The following NEURL1 variants were observed in gnomAD, a reference collection of about 807,000 sequenced individuals.
NEURL1 encodes the protein E3 ubiquitin-protein ligase NEURL1.
Under a neutral mutation model 41.2 loss-of-function variants are expected in NEURL1, and 26 were observed. The ratio of observed to expected loss-of-function variants is 0.63; its 90% CI spans 0.46 to 0.87. The LOEUF is 0.87. NEURL1 is among the 40% of genes least tolerant of loss of function. NEURL1 has a pLI of 0.00. For synonymous variants in NEURL1, 400 were observed against 402.3 expected, an observed-to-expected ratio of 0.99 and a Z score of 0.07; for missense variants, 761 against 871.1, an observed-to-expected ratio of 0.87 and a Z score of 1.59.
intron 1 of NEURL1, among the ~76,000 whole-genome samples, chr10:103,523,976 C>T (rs1053028453): frequency 6.6e-6 from 1 of 152,154 alleles, no homozygotes; most frequent in African/African-American, 2.4e-5. Context: ...ATTGCTGGGT[C>T]ATATGGCAGT....
In NEURL1 at chr10:103,501,618, T is replaced by TTTTTTATTATTATTATTA. The variant is rs372200333; in HGVS notation, c.85+7148_85+7149insTTTATTATTATTATTATT. On this transcript the variant is annotated intron_variant, in intron 1 of 5. Transcript: ENST00000369780. ...AGAGGTAGGTATTATTCCCACTTTATTTATTATTATTATTATTATTATTAT... is the reference window on the plus strand; with the variant it reads ...AGAGGTAGGTATTATTCCCACTTTATTTTTTATTATTATTATTATTATTATTATTATTATTATTATTAT... Among the ~76,000 whole-genome samples the TTTTTTATTATTATTATTA allele has an allele frequency of 1.0e-3, 144 of 142,592 alleles. 2 individuals carry two copies. The highest frequency in any genetic ancestry group is 3.6e-3 in the African/African-American group (137 of 38,566). 93.5% of individuals were successfully genotyped at this position (142,592 alleles called of 152,430 possible).
chr10:103,524,031 A>G (rs1176777807), intron 1 of NEURL1, among the ~76,000 whole-genome samples: 1 of 152,106 alleles, frequency 6.6e-6, no homozygotes, highest in African/African-American at 2.4e-5. Flanking sequence ...GTTTTCCATA[A>G]TGGCTGTACT....
chr10:103,498,739 TTGTC>T (rs1311288644), intron 1 of NEURL1, among the ~76,000 whole-genome samples: 1 of 152,242 alleles, frequency 6.6e-6, no homozygotes, highest in East Asian at 1.9e-4. Flanking sequence ...AATCTACTCT[TTGTC>T]TGTATGGACT....
chr10:103,494,119 C>T lies in NEURL1; in HGVS notation c.-269C>T, dbSNP rs1336060180. ...GGGCGTCCCCGGCCCCGGCCCAGGG[C>T]CCTGCTTGTGGCCCCCGCTCCCGCC... On this transcript the variant is annotated 5_prime_UTR_variant, in exon 1 of 6. Transcript: ENST00000369780. 9 of 382,998 alleles carry T rather than the reference C, an allele frequency of 2.3e-5. No individual in the cohort carries two copies. In the Admixed American group the frequency reaches 4.0e-4, roughly 17 times the overall value. 23.7% of individuals were successfully genotyped at this position (382,998 alleles called of 1,614,324 possible). A position where few individuals can be genotyped will look rare whatever the true frequency, so the allele number is the denominator to read the frequency against.
intron 4 of NEURL1, chr10:103,589,085 C>T (rs1461078858): frequency 2.6e-6 from 1 of 380,530 alleles, no homozygotes; most frequent in African/African-American, 2.1e-5. Context: ...TATCTGGGGA[C>T]AGTGGTGAAG....
intron 2 of NEURL1, 134 bp from the exon 3 acceptor site, chr10:103,571,367 C>A (rs2035540518): frequency 1.0e-5 from 11 of 1,056,592 alleles, no homozygotes; most frequent in Non-Finnish European, 1.5e-5. Context: ...AGGGAGGGCT[C>A]CTGGGAGGGA....
chr10:103,558,291 G>A lies in NEURL1; in HGVS notation c.86-12581G>A, dbSNP rs2035202767. 1.0e-6 allele frequency: 1 copy of A among 970,956 alleles called. No individual in the cohort carries two copies. Among genetic ancestry groups the A allele is most frequent in the Admixed American group, 6.2e-5 (1 of 16,254 alleles). 60.1% of individuals were successfully genotyped at this position (970,956 alleles called of 1,614,324 possible). A position where few individuals can be genotyped will look rare whatever the true frequency, so the allele number is the denominator to read the frequency against. The stretch of plus-strand genomic sequence containing the variant: ...GACAGGAGGACCCAGGACTCTGTAT[G>A]TGTGTCGGGGGTCATCTAATTGTGT... On this transcript the variant is annotated intron_variant, in intron 1 of 5. Coordinates refer to ENST00000369780, the MANE Select transcript of NEURL1 (RefSeq NM_004210.5). This position sits in a 1 kb window ranked among gnomAD's most constrained non-coding sequence, Gnocchi z 4.2.
chr10:103,524,324 C>T (rs1410880041), intron 1 of NEURL1, among the ~76,000 whole-genome samples: 1 of 151,822 alleles, frequency 6.6e-6, no homozygotes, highest in Non-Finnish European at 1.5e-5. Context: ...TGTTTGAGTC[C>T]CTTGTATATT....
In NEURL1 at chr10:103,584,908, A is replaced by G. The variant is rs2035879244; in HGVS notation, c.1022A>G (p.Lys341Arg). 6.8e-7 allele frequency: 1 copy of G among 1,469,952 alleles called. No individual in the cohort carries two copies. The highest frequency in any genetic ancestry group is 8.9e-7 in the Non-Finnish European group (1 of 1,118,962). 91.1% of individuals were successfully genotyped at this position (1,469,952 alleles called of 1,614,324 possible). A position where few individuals can be genotyped will look rare whatever the true frequency, so the allele number is the denominator to read the frequency against. ...PVRVAETIFV[K>R]VTRSGGARPG... ...CGCGTGGCCGAGACCATCTTCGTCA[A>G]GGTCACGCGCTCGGGTGGCGCGCGG... The change falls in exon 4 of 6, where the codon AAG (lysine) becomes AGG (arginine). Residue 341 changes from lysine to arginine, a missense_variant. Physicochemically the swap from Lys to Arg is conservative, Grantham distance 26. Coordinates refer to ENST00000369780, the MANE Select transcript of NEURL1 (RefSeq NM_004210.5).
At chr10:103,580,411 A>G (rs903644279) in intron 3 of NEURL1, among the ~76,000 whole-genome samples, 9 of 152,074 alleles carry the variant, frequency 5.9e-5, no homozygotes, top group African/African-American at 2.2e-4. Context: ...TTGGGGTGAG[A>G]GGTTGCCCAT....
chr10:103,586,197 G>C (rs2035920618), intron 4 of NEURL1, among the ~76,000 whole-genome samples: 2 of 152,188 alleles, frequency 1.3e-5, no homozygotes, highest in African/African-American at 4.8e-5. Flanking sequence ...TAAGGAGACG[G>C]TGATGGTGGT....
At chr10:103,527,779 C>T (rs1306730975) in intron 1 of NEURL1, among the ~76,000 whole-genome samples, 2 of 152,182 alleles carry the variant, frequency 1.3e-5, no homozygotes, top group African/African-American at 4.8e-5. Context: ...ATTTCTCCCT[C>T]CATTTTACAA....
chr10:103,527,150 C>T (rs1004240988), intron 1 of NEURL1, among the ~76,000 whole-genome samples: 2 of 152,096 alleles, frequency 1.3e-5, no homozygotes, highest in African/African-American at 4.8e-5. Context: ...TATAGGGTAA[C>T]TTAGGGATGT....
chr10:103,562,105 C>T (rs2035306606), intron 1 of NEURL1, among the ~76,000 whole-genome samples: 1 of 152,206 alleles, frequency 6.6e-6, no homozygotes, highest in Non-Finnish European at 1.5e-5. Flanking sequence ...GACAATGGCT[C>T]TGGGCACCAT....
intron 1 of NEURL1, among the ~76,000 whole-genome samples, chr10:103,520,792 A>G (rs970456408): frequency 1.3e-5 from 2 of 152,176 alleles, no homozygotes; most frequent in African/African-American, 4.8e-5. Flanking sequence ...GGGAACCTAC[A>G]GTGGGAGAGA....
chr10:103,507,607 T>C (rs1261870475), intron 1 of NEURL1, among the ~76,000 whole-genome samples: 1 of 152,066 alleles, frequency 6.6e-6, no homozygotes, highest in African/African-American at 2.4e-5. Context: ...CTGTGGAAGG[T>C]CAGGGTGTGC....
chr10:103,561,249 T>G (rs958673232), intron 1 of NEURL1, among the ~76,000 whole-genome samples: 2 of 150,886 alleles, frequency 1.3e-5, no homozygotes, highest in Non-Finnish European at 2.9e-5. Context: ...ATTCCATTAC[T>G]TCCTCTGTAT....
At chr10:103,578,972 C>G (rs1411193562) in intron 3 of NEURL1, among the ~76,000 whole-genome samples, 7 of 152,238 alleles carry the variant, frequency 4.6e-5, no homozygotes, top group Admixed American at 3.3e-4. Context: ...GCAGGCTGAC[C>G]TGTGGTTACA....
chr10:103,512,959 C>T (rs1564805989), intron 1 of NEURL1, among the ~76,000 whole-genome samples: 1 of 152,032 alleles, frequency 6.6e-6, no homozygotes, highest in Non-Finnish European at 1.5e-5. Context: ...TCTCTGGCTG[C>T]CTCACTCCTT....
Sources: gnomAD v4.1 joint callset for allele counts (sites outside exome capture counted in the v4.1 genomes callset) on GRCh38, gnomAD v4.1.1 for gene constraint, Gnocchi (gnomAD v3.1) non-coding constraint, MANE v1.5 for transcripts, NCBI Gene and HGNC (gene_info 2026-07-23, HGNC 2026-07-21) for gene names.